The following ST13 variants were observed in gnomAD, a reference collection of about 807,000 sequenced individuals.
The protein encoded by ST13 is ST13 Hsp70 interacting protein.
In ST13, 23 loss-of-function variants were observed where a neutral mutation model predicts 56.7. The ratio of observed to expected loss-of-function variants is 0.41; its 90% confidence interval spans 0.29 to 0.57. The LOEUF is 0.57. Among genes scored for constraint, ST13 ranks in the 20% least tolerant of loss-of-function variants. The pLI, the probability that ST13 is intolerant of heterozygous loss-of-function variation, is 0.36. For synonymous variants in ST13, 132 were observed against 142.4 expected (o/e 0.93, Z 0.52); for missense variants, 369 against 459.9 (o/e 0.80, Z 1.81).
rs1031033628 is a variant in ST13, at chr22:40,853,939, T to A, written c.110+2492A>T. Among the ~76,000 whole-genome samples, 5 of 152,318 alleles carry A rather than the reference T, an allele frequency of 3.3e-5. No individual in the cohort carries two copies. The South Asian group carries it at 1.0e-3, about 32-fold the overall frequency. ...ACAAAAATATCTCAAAACACAGTTCTTGAAAAGAACAGTCTCCTGGATCCT... is the reference window on the plus strand; with the variant it reads ...ACAAAAATATCTCAAAACACAGTTCATGAAAAGAACAGTCTCCTGGATCCT... On this transcript the variant is annotated intron_variant, in intron 1 of 11. Transcript: ENST00000216218.
intron 4 of ST13, among the ~76,000 whole-genome samples, chr22:40,841,216 A>AC (rs1228524670): frequency 6.6e-6 from 1 of 151,878 alleles, no homozygotes; most frequent in African/African-American, 2.4e-5. Context: ...AAAAAAAAAA[A>AC]AAAACAAGCT....
intron 1 of ST13, among the ~76,000 whole-genome samples, chr22:40,852,542 T>A (rs775801446): frequency 2.0e-5 from 3 of 152,168 alleles, no homozygotes; most frequent in African/African-American, 7.2e-5. Flanking sequence ...AAGTAGCAGA[T>A]GGAATGAAAA....
intron 5 of ST13, among the ~76,000 whole-genome samples, chr22:40,837,646 C>CA (rs375296870): frequency 8.4e-4 from 124 of 147,156 alleles, no homozygotes; most frequent in South Asian, 7.1e-3. Context: ...AACTCCATCT[C>CA]AAAAAAAAAA....
intron 5 of ST13, among the ~76,000 whole-genome samples, chr22:40,836,364 G>A (rs749083616): frequency 2.6e-5 from 4 of 152,128 alleles, no homozygotes; most frequent in African/African-American, 4.8e-5. Flanking sequence ...GGAGTGGCGC[G>A]AACCCGGGAG....
At position 40,835,770 on chromosome 22, in the gene ST13, GC is replaced by G. The variant is rs2057774245; in HGVS notation, c.467+32del. On this transcript the variant is annotated intron_variant, in intron 6 of 11. Coordinates refer to ENST00000216218, the MANE Select transcript of ST13 (RefSeq NM_003932.5). ...TTAAACAAATGTGCAGAAATTATTT[GC>G]CAGGGGATGCTTTTCTGTTTAGAGT... The G allele has an allele frequency of 2.5e-6, 4 of 1,604,380 alleles. No individual in the cohort carries two copies. The East Asian group carries it at 8.9e-5, about 36-fold the overall frequency.
chr22:40,842,131 T>G (rs1026448285), intron 4 of ST13, among the ~76,000 whole-genome samples: 1 of 152,200 alleles, frequency 6.6e-6, no homozygotes, highest in Non-Finnish European at 1.5e-5. Flanking sequence ...AATTCTGTAT[T>G]ACCAAAGTAA....
intron 10 of ST13, among the ~76,000 whole-genome samples, chr22:40,829,244 G>A (rs1226197055): frequency 6.6e-6 from 1 of 152,078 alleles, no homozygotes; most frequent in Non-Finnish European, 1.5e-5. Context: ...GGAGACAGTT[G>A]TTTAAAAAAC....
chr22:40,856,596 C>T lies in ST13; in HGVS notation c.-56G>A, dbSNP rs1197979059. 6 of 1,487,208 alleles carry T rather than the reference C, an allele frequency of 4.0e-6. No homozygotes were observed. In the Admixed American group the frequency reaches 8.4e-5, roughly 21 times the overall value. The allele number at this position is 1,487,208 out of a possible 1,614,324, so 92.1% of individuals were successfully genotyped here. A position where few individuals can be genotyped will look rare whatever the true frequency, so the allele number is the denominator to read the frequency against. On this transcript the variant is annotated 5_prime_UTR_variant, in exon 1 of 12. Coordinates refer to ENST00000216218, the MANE Select transcript of ST13 (RefSeq NM_003932.5). ...GCTACGGCCCGGTTCCAGGCCCAGG[C>T]GCTGGCTCGGCGTGACCGCGCAGAA...
chr22:40,849,644 T>C (rs1353988729), intron 2 of ST13, among the ~76,000 whole-genome samples: 1 of 152,120 alleles, frequency 6.6e-6, no homozygotes. Context: ...CAAAAAATTT[T>C]CAGCTGACAC....
intron 3 of ST13, among the ~76,000 whole-genome samples, chr22:40,845,986 G>GA (rs1254352493): frequency 6.6e-6 from 1 of 152,114 alleles, no homozygotes; most frequent in Admixed American, 6.5e-5. Flanking sequence ...GCCGAGGTTG[G>GA]AGTGCAGTGG....
intron 1 of ST13, among the ~76,000 whole-genome samples, chr22:40,855,227 G>A (rs2057883791): frequency 6.6e-6 from 1 of 152,198 alleles, no homozygotes; most frequent in African/African-American, 2.4e-5. Context: ...AGGCGGGGGA[G>A]TCCCTTGAGG....
At chr22:40,834,182 G>GAC (rs1357389760) in intron 7 of ST13, among the ~76,000 whole-genome samples, 2 of 151,856 alleles carry the variant, frequency 1.3e-5, no homozygotes, top group African/African-American at 2.4e-5. Flanking sequence ...TCAGAAGGCT[G>GAC]ACTGAGGCAG....
chr22:40,854,845 G>C (rs944971114), intron 1 of ST13, among the ~76,000 whole-genome samples: 2 of 152,170 alleles, frequency 1.3e-5, no homozygotes, highest in Non-Finnish European at 2.9e-5. Context: ...CTGTTCAATA[G>C]AGAAAACGAC....
At chr22:40,829,897 T>C (rs2057746307) in intron 9 of ST13, among the ~76,000 whole-genome samples, 1 of 152,226 alleles carries the variant, frequency 6.6e-6, no homozygotes, top group Non-Finnish European at 1.5e-5. Context: ...TTACTTCTAC[T>C]CTGGAAACAA....
chr22:40,854,755 A>G (rs949630170), intron 1 of ST13, among the ~76,000 whole-genome samples: 1 of 152,192 alleles, frequency 6.6e-6, no homozygotes, highest in Admixed American at 6.5e-5. Context: ...GGAATTTTAG[A>G]AAGAATTTAT....
At chr22:40,845,152 C>T (rs1479797236) in intron 3 of ST13, among the ~76,000 whole-genome samples, 1 of 152,084 alleles carries the variant, frequency 6.6e-6, no homozygotes, top group Non-Finnish European at 1.5e-5. Context: ...TGTGCAGTTT[C>T]TAGTATTACA....
chr22:40,841,234 G>T (rs888263881), intron 4 of ST13, among the ~76,000 whole-genome samples: 2 of 151,820 alleles, frequency 1.3e-5, no homozygotes, highest in Non-Finnish European at 2.9e-5. Flanking sequence ...GCTGGGCATG[G>T]TGGCACATGC....
rs569771493 is a variant in ST13 at position 40,824,732 on chromosome 22, G to A, written c.*1806C>T. On this transcript the variant is annotated 3_prime_UTR_variant, in exon 12 of 12. Transcript: ENST00000216218. Reference sequence around the variant, plus strand: ...AAGCCAAGTACACACTGGCAATTTCGAGAAAGGAGAACTCTACACATTAAC... The same window carrying A: ...AAGCCAAGTACACACTGGCAATTTCAAGAAAGGAGAACTCTACACATTAAC... 1.3e-5 allele frequency: 2 copies of A among 152,274 alleles called. No individual in the cohort carries two copies. Among genetic ancestry groups the A allele is most frequent in the East Asian group, 3.9e-4 (2 of 5,182 alleles). 9.4% of individuals were successfully genotyped at this position (152,274 alleles called of 1,614,324 possible). A position where few individuals can be genotyped will look rare whatever the true frequency, so the allele number is the denominator to read the frequency against.
chr22:40,840,668 C>A lies in ST13; in HGVS notation c.340G>T (p.Ala114Ser), dbSNP rs745485241. 4 of 1,609,890 alleles carry A rather than the reference C, an allele frequency of 2.5e-6. No individual in the cohort carries two copies. The highest frequency in any genetic ancestry group is 3.4e-6 in the Non-Finnish European group (4 of 1,178,910). Residue 114 changes from alanine to serine, a missense_variant, in exon 5 of 12, where the codon GCA (alanine) becomes TCA (serine). Ala to Ser is a moderately conservative substitution (Grantham distance 99, BLOSUM62 1). Transcript: ENST00000216218. Reference sequence around the variant, plus strand: ...ATAGCAGCCACTTTTTTATCATTTGCCTGATCCATCATCTCCTCCGTTATC... The same window carrying A: ...ATAGCAGCCACTTTTTTATCATTTGACTGATCCATCATCTCCTCCGTTATC... ...AEITEEMMDQ[A>S]NDKKVAAIEA...
Sources: allele counts gnomAD v4.1 joint callset (sites outside exome capture counted in the v4.1 genomes callset), GRCh38; gene constraint gnomAD v4.1.1; transcripts MANE v1.5; gene names NCBI Gene and HGNC (gene_info 2026-07-23, HGNC 2026-07-21).